The following RBFOX1 variants were observed in gnomAD, a reference collection of about 807,000 sequenced individuals.
RBFOX1 encodes RNA binding fox-1 homolog 1.
A neutral mutation model predicts 57.7 loss-of-function variants in RBFOX1; 8 were observed. The ratio of observed to expected loss-of-function variants is 0.14; its 90% CI spans 0.08 to 0.25. The LOEUF (loss-of-function observed/expected upper bound fraction) is 0.25, where lower values mean the gene tolerates loss of function less well. Ranked by LOEUF, RBFOX1 falls within the 10% of genes least tolerant of loss-of-function variation. RBFOX1 has a pLI of 1.00. For synonymous variants in RBFOX1, 326 were observed against 222.4 expected, an observed-to-expected ratio of 1.47 and a Z score of -4.15; for missense variants, 611 against 548.5, an observed-to-expected ratio of 1.11 and a Z score of -1.14.
intron 2 of RBFOX1, among the ~76,000 whole-genome samples, chr16:6,458,537 C>G (rs2094832677): frequency 6.6e-6 from 1 of 152,154 alleles, no homozygotes; most frequent in Admixed American, 6.5e-5. Context: ...CAGTAAACAA[C>G]TTGGAGAATA....
At chr16:6,702,396 A>G (rs916135366) in intron 3 of RBFOX1, among the ~76,000 whole-genome samples, 12 of 152,274 alleles carry the variant, frequency 7.9e-5, no homozygotes, top group Middle Eastern at 3.4e-3. Flanking sequence ...TCTACTAAAA[A>G]TACAAAAATC....
At chr16:6,334,548 C>T (rs1027118222) in intron 2 of RBFOX1, among the ~76,000 whole-genome samples, 2 of 151,096 alleles carry the variant, frequency 1.3e-5, no homozygotes, top group Admixed American at 6.6e-5. Context: ...CTAGAATCGT[C>T]ATTATATATT....
intron 4 of RBFOX1, among the ~76,000 whole-genome samples, chr16:7,453,792 G>C (rs977172874): frequency 1.3e-5 from 2 of 152,176 alleles, no homozygotes; most frequent in African/African-American, 4.8e-5. Flanking sequence ...ACCCTGATGA[G>C]ATTATGAAGC....
At chr16:6,958,704 C>T (rs1232731384) in intron 3 of RBFOX1, among the ~76,000 whole-genome samples, 1 of 152,096 alleles carries the variant, frequency 6.6e-6, no homozygotes, top group Non-Finnish European at 1.5e-5. Context: ...TAATGAACTC[C>T]CTCTTCATGT....
intron 1 of RBFOX1, among the ~76,000 whole-genome samples, chr16:6,186,656 G>C (rs1353293875): frequency 2.6e-5 from 4 of 152,176 alleles, no homozygotes; most frequent in South Asian, 4.1e-4. Context: ...TTATGGGTTA[G>C]TGTGAGGAAA....
intron 3 of RBFOX1, among the ~76,000 whole-genome samples, chr16:7,034,280 C>A (rs2043633432): frequency 6.6e-6 from 1 of 152,278 alleles, no homozygotes; most frequent in East Asian, 1.9e-4. Flanking sequence ...ATGACAGTAT[C>A]TACTGGGTAA....
At chr16:6,094,294 T>C (rs56069380) in intron 1 of RBFOX1, among the ~76,000 whole-genome samples, 108 of 152,282 alleles carry the variant, frequency 7.1e-4, no homozygotes, top group African/African-American at 2.0e-3. Context: ...AGAGAGACCA[T>C]TGGGGAAATG....
At chr16:5,439,938 G>C (rs1343714304) in intron 1 of RBFOX1, among the ~76,000 whole-genome samples, 1 of 152,228 alleles carries the variant, frequency 6.6e-6, no homozygotes, top group Non-Finnish European at 1.5e-5. Flanking sequence ...GAGATGTCAA[G>C]CTGGCAGCTT....
At chr16:6,090,313 C>T (rs1389323682) in intron 1 of RBFOX1, among the ~76,000 whole-genome samples, 8 of 152,086 alleles carry the variant, frequency 5.3e-5, no homozygotes, top group Admixed American at 5.2e-4. Context: ...TCCCTGTTGC[C>T]CTGTAAGGTA....
intron 3 of RBFOX1, among the ~76,000 whole-genome samples, chr16:5,666,911 G>A (rs1194122803): frequency 1.3e-5 from 2 of 152,150 alleles, no homozygotes; most frequent in African/African-American, 4.8e-5. Context: ...TCTCTGCTTT[G>A]TGGATTGCCC....
chr16:7,670,838 G>C (rs1380767333), intron 13 of RBFOX1, among the ~76,000 whole-genome samples: 1 of 152,100 alleles, frequency 6.6e-6, no homozygotes, highest in Non-Finnish European at 1.5e-5. Context: ...GATTAATCTT[G>C]ACCATGAATG....
chr16:6,826,180 A>C (rs1458610268), intron 3 of RBFOX1, among the ~76,000 whole-genome samples: 4 of 152,030 alleles, frequency 2.6e-5, no homozygotes, highest in East Asian at 1.9e-4. Flanking sequence ...CATCGTCGCC[A>C]CGTAGGTTGT....
chr16:6,580,502 T>A (rs1278803829), intron 2 of RBFOX1, among the ~76,000 whole-genome samples: 2 of 152,188 alleles, frequency 1.3e-5, no homozygotes, highest in African/African-American at 4.8e-5. Flanking sequence ...CCGTAAGACA[T>A]AATCCCTTAT....
intron 2 of RBFOX1, among the ~76,000 whole-genome samples, chr16:6,411,791 C>G (rs1315046829): frequency 6.6e-6 from 1 of 152,172 alleles, no homozygotes; most frequent in Non-Finnish European, 1.5e-5. Context: ...TGTACAGTGA[C>G]CAGTTTTCAG....
intron 4 of RBFOX1, among the ~76,000 whole-genome samples, chr16:7,415,472 T>C (rs1342055981): frequency 6.6e-6 from 1 of 152,072 alleles, no homozygotes; most frequent in Non-Finnish European, 1.5e-5. Context: ...CGGACCAACC[T>C]ATGGAGAAGG....
intron 3 of RBFOX1, among the ~76,000 whole-genome samples, chr16:6,947,208 G>C (rs1288446644): frequency 1.3e-5 from 2 of 152,164 alleles, no homozygotes; most frequent in Non-Finnish European, 2.9e-5. Context: ...TGCAGTTTAT[G>C]GCTGTCTTTT....
At chr16:7,083,142 C>T (rs953366907) in intron 4 of RBFOX1, among the ~76,000 whole-genome samples, 6 of 152,062 alleles carry the variant, frequency 3.9e-5, no homozygotes, top group African/African-American at 1.4e-4. Flanking sequence ...TGGTTATGAG[C>T]AGAATTTAAA....
chr16:6,368,275 G>A (rs1333118492), intron 2 of RBFOX1, among the ~76,000 whole-genome samples: 2 of 152,138 alleles, frequency 1.3e-5, no homozygotes, highest in African/African-American at 4.8e-5. Flanking sequence ...CAGAAAAATG[G>A]TGCTGGGACC....
chr16:5,894,358 C>T (rs1308640177), intron 4 of RBFOX1, among the ~76,000 whole-genome samples: 2 of 152,298 alleles, frequency 1.3e-5, no homozygotes, highest in South Asian at 4.1e-4. Context: ...TTTTGGCTCA[C>T]TTTCACCTCC....
Sources: gnomAD v4.1 joint callset for allele counts (sites outside exome capture counted in the v4.1 genomes callset) on GRCh38, gnomAD v4.1.1 for gene constraint, MANE v1.5 for transcripts, NCBI Gene and HGNC (gene_info 2026-07-23, HGNC 2026-07-21) for gene names.